The following VWA3A variants were observed in gnomAD, a reference collection of about 807,000 sequenced individuals.
VWA3A encodes von Willebrand factor A domain-containing protein 3A.
VWA3A carries 134 observed loss-of-function variants against 160.4 expected under a neutral mutation model. The observed-to-expected ratio is 0.84, with a 90% CI of 0.73 to 0.96. The LOEUF (loss-of-function observed/expected upper bound fraction) is 0.96. Among genes scored for constraint, VWA3A ranks in the 40% least tolerant of loss-of-function variants. The probability of loss-of-function intolerance (pLI) is 0.00; values close to 1 mark genes in which losing one functional copy is unlikely to be tolerated. For missense variants in VWA3A, 1,310 were observed against 1,447.9 expected, an observed-to-expected ratio of 0.90 and a Z score of 1.55; for synonymous variants, 476 against 543.4, an observed-to-expected ratio of 0.88 and a Z score of 1.72.
Position 22,123,654 on chromosome 16 carries a change from T to C in VWA3A, c.1479T>C (p.Ile493=), listed in dbSNP as rs1287818151. 1 of 1,613,980 alleles carries C rather than the reference T, an allele frequency of 6.2e-7. No individual in the cohort carries two copies. Among genetic ancestry groups the C allele is most frequent in the South Asian group, 1.1e-5 (1 of 91,074 alleles). ...SRAMRMYERR[I]EWLSLASRRI... is the part of the protein sequence containing the mutation. ...CTATGCGGATGTATGAGAGGCGGAT[T>C]GAGTGGCTCTCCCTGGCCAGCAGAA... The change falls in exon 16 of 34, where the codon ATT becomes ATC. Residue 493 remains isoleucine, a synonymous_variant. Transcript: ENST00000389398.
At chr16:22,137,563 A>T (rs2046068215) in intron 21 of VWA3A, among the ~76,000 whole-genome samples, 1 of 152,248 alleles carries the variant, frequency 6.6e-6, no homozygotes, top group Non-Finnish European at 1.5e-5. Context: ...AAGTCAATGC[A>T]CAGAGACACT....
intron 21 of VWA3A, among the ~76,000 whole-genome samples, chr16:22,137,197 C>A (rs1393730571): frequency 1.3e-5 from 2 of 152,174 alleles, no homozygotes; most frequent in South Asian, 4.1e-4. Flanking sequence ...TGGGCAATGA[C>A]CGCATAATTC....
intron 13 of VWA3A, 129 bp from the exon 14 acceptor site, chr16:22,121,385 A>T: frequency 1.2e-6 from 1 of 825,290 alleles, no homozygotes; most frequent in South Asian, 1.6e-5. Flanking sequence ...TTGAGGATGC[A>T]GTGAGTTATG....
At chr16:22,136,751 A>G (rs1722650178) in intron 21 of VWA3A, among the ~76,000 whole-genome samples, 1 of 151,908 alleles carries the variant, frequency 6.6e-6, no homozygotes, top group Admixed American at 6.6e-5. Context: ...ATCTCTTCCC[A>G]GCTGGGCGTA....
intron 21 of VWA3A, among the ~76,000 whole-genome samples, chr16:22,136,496 C>T (rs565686485): frequency 3.0e-4 from 46 of 152,160 alleles, no homozygotes; most frequent in African/African-American, 6.7e-4. Context: ...GCCACAGTGA[C>T]GGACAGAGGG....
At chr16:22,097,813 T>A in intron 3 of VWA3A, 118 bp downstream of exon 3, 2 of 1,324,210 alleles carry the variant, frequency 1.5e-6, no homozygotes, top group Non-Finnish European at 2.0e-6. Flanking sequence ...GAAAAAGGAG[T>A]AATTAAGCAT....
chr16:22,138,361 G>C lies in VWA3A; in HGVS notation c.2141G>C (p.Cys714Ser), dbSNP rs1479347862. The change falls in exon 22 of 34, where the codon TGT becomes TCT. Residue 714 changes from cysteine (C) to serine (S), a missense_variant and splice_region_variant. Cys to Ser is a moderately radical substitution (Grantham distance 112). Coordinates refer to ENST00000389398, the MANE Select transcript of VWA3A (RefSeq NM_173615.5). ...CTGACCCTCCCAATCCCACTGCAGT[G>C]TGCCTTCCTCATGGCCTCCCTGAAG... is the stretch of plus-strand genomic sequence containing the variant. Reference protein sequence around the residue: ...MEKALNYSQKCAFLMASLKNH... With the variant: ...MEKALNYSQKSAFLMASLKNH... The C allele has an allele frequency of 5.7e-6, 9 of 1,585,872 alleles. No individual in the cohort carries two copies. In the African/African-American group the frequency reaches 6.7e-5, roughly 12 times the overall value.
chr16:22,140,712 G>C (rs924160309), intron 23 of VWA3A, among the ~76,000 whole-genome samples: 3 of 151,098 alleles, frequency 2.0e-5, no homozygotes, highest in Non-Finnish European at 1.5e-5. Context: ...CTGGGTTCAA[G>C]CGATTCTTGT....
intron 21 of VWA3A, among the ~76,000 whole-genome samples, chr16:22,136,969 G>A (rs1018069204): frequency 6.6e-6 from 1 of 152,062 alleles, no homozygotes; most frequent in African/African-American, 2.4e-5. Context: ...AGCTATTTGG[G>A]AGGCTGAGGC....
At chr16:22,152,724 G>T in intron 31 of VWA3A, 90 bp downstream of exon 31, 8 of 1,516,606 alleles carry the variant, frequency 5.3e-6, no homozygotes, top group Non-Finnish European at 6.2e-6. Context: ...GAACTCCTGG[G>T]CTCAAGTGAA....
chr16:22,124,181 TACC>T (rs2045799419), intron 16 of VWA3A, among the ~76,000 whole-genome samples: 1 of 83,532 alleles, frequency 1.2e-5, no homozygotes. Flanking sequence ...TCCCTGTGTC[TACC>T]ACAAAAAAAA....
At chr16:22,146,133 T>C (rs2046245182) in intron 26 of VWA3A, 103 bp from the exon 27 acceptor site, 4 of 965,818 alleles carry the variant, frequency 4.1e-6, no homozygotes, top group Middle Eastern at 2.2e-4. Flanking sequence ...ACAAATATTT[T>C]GAGAATTGTT....
chr16:22,095,254 G>A, intron 1 of VWA3A, among the ~76,000 whole-genome samples: 1 of 152,194 alleles, frequency 6.6e-6, no homozygotes, highest in East Asian at 1.9e-4. Flanking sequence ...AAGCTGAAAT[G>A]TCAAGATGAT....
At chr16:22,145,974 C>T (rs1364822560) in intron 26 of VWA3A, among the ~76,000 whole-genome samples, 2 of 152,040 alleles carry the variant, frequency 1.3e-5, no homozygotes, top group South Asian at 2.1e-4. Context: ...AGACACATGC[C>T]ACCACACCAG....
intron 17 of VWA3A, among the ~76,000 whole-genome samples, chr16:22,129,470 TC>T (rs2045911349): frequency 6.6e-6 from 1 of 151,214 alleles, no homozygotes; most frequent in Non-Finnish European, 1.5e-5. Flanking sequence ...CTACAGAATG[TC>T]ATCACTGGCT....
intron 27 of VWA3A, chr16:22,147,620 C>G (rs774598919): frequency 1.4e-6 from 1 of 703,196 alleles, no homozygotes; most frequent in Non-Finnish European, 2.6e-6. Context: ...TGGACAGGGG[C>G]GTCATGATGA....
Position 22,100,189 on chromosome 16 carries a change from T to C in VWA3A, c.226-5T>C. 6.5e-7 allele frequency: 1 copy of C among 1,539,420 alleles called. No homozygotes were observed. The highest frequency in any genetic ancestry group is 1.4e-5 in the African/African-American group (1 of 72,670). On this transcript the variant is annotated splice_polypyrimidine_tract_variant and splice_region_variant and intron_variant, in intron 3 of 33. Coordinates refer to ENST00000389398, the MANE Select transcript of VWA3A (RefSeq NM_173615.5). ...CACGGTTTGACTCTGGCTTTTGTCT[T>C]GCAGAGGCTGCAGGGGAGTGAGACC...
chr16:22,147,723 G>C (rs543700489), intron 27 of VWA3A: 104 of 698,734 alleles, frequency 1.5e-4, no homozygotes, highest in Non-Finnish European at 2.1e-4. Flanking sequence ...TTACCCCTGG[G>C]AACGGTGACA....
intron 1 of VWA3A, among the ~76,000 whole-genome samples, chr16:22,094,488 T>A (rs559035268): frequency 6.6e-6 from 1 of 152,274 alleles, no homozygotes; most frequent in Non-Finnish European, 1.5e-5. Context: ...AAGTTGCAAC[T>A]TTATTCAGAG....
Sources: allele counts gnomAD v4.1 joint callset (sites outside exome capture counted in the v4.1 genomes callset), GRCh38; gene constraint gnomAD v4.1.1; transcripts MANE v1.5; gene names NCBI Gene and HGNC (gene_info 2026-07-23, HGNC 2026-07-21).